MEP1A: variants seen among roughly 807,000 people sequenced by gnomAD.
MEP1A encodes meprin A subunit alpha.
MEP1A carries 68 observed loss-of-function variants against 84.5 expected under a neutral mutation model. The observed-to-expected ratio is 0.80, with a 90% confidence interval of 0.66 to 0.98. MEP1A has a LOEUF of 0.98. Ranked by LOEUF, MEP1A falls within the 50% of genes least tolerant of loss-of-function variation. The pLI, the probability that MEP1A is intolerant of heterozygous loss-of-function variation, is 0.00. For synonymous variants in MEP1A, 337 were observed against 336.8 expected, an observed-to-expected ratio of 1.00 and a Z score of -0.01; for missense variants, 887 against 919.9, an observed-to-expected ratio of 0.96 and a Z score of 0.46.
At chr6:46,818,107 A>T (rs2150749035) in intron 6 of MEP1A, among the ~76,000 whole-genome samples, 1 of 152,258 alleles carries the variant, frequency 6.6e-6, no homozygotes, top group African/African-American at 2.4e-5. Flanking sequence ...TGCAGAGTAA[A>T]CTCTGATTTG....
intron 5 of MEP1A, among the ~76,000 whole-genome samples, chr6:46,806,861 G>C (rs1767337707): frequency 6.6e-6 from 1 of 152,116 alleles, no homozygotes; most frequent in African/African-American, 2.4e-5. Flanking sequence ...GAAGAAATTA[G>C]AGCGTGCCCT....
chr6:46,810,176 G>A (rs528609707), intron 6 of MEP1A, among the ~76,000 whole-genome samples: 88 of 151,952 alleles, frequency 5.8e-4, no homozygotes, highest in African/African-American at 2.0e-3. Flanking sequence ...GAGTAAGGTC[G>A]TATCACATTA....
At chr6:46,797,585 T>A (rs1418746086) in intron 3 of MEP1A, among the ~76,000 whole-genome samples, 1 of 152,124 alleles carries the variant, frequency 6.6e-6, no homozygotes, top group East Asian at 1.9e-4. Context: ...CATCGTTTTT[T>A]CATGGGAAAG....
At chr6:46,816,174 G>C (rs1327424686) in intron 6 of MEP1A, among the ~76,000 whole-genome samples, 1 of 152,052 alleles carries the variant, frequency 6.6e-6, no homozygotes, top group East Asian at 1.9e-4. Context: ...CTGACCTCAG[G>C]TAATCGGCCC....
At chr6:46,832,322 G>C (rs141076368) in intron 10 of MEP1A, among the ~76,000 whole-genome samples, 1,844 of 152,266 alleles carry the variant, frequency 0.012, 44 homozygotes, top group African/African-American at 0.042. Context: ...CCAAGCTCCT[G>C]TCTGGCTTCT....
At chr6:46,818,562 G>A (rs923405413) in intron 6 of MEP1A, among the ~76,000 whole-genome samples, 3 of 152,106 alleles carry the variant, frequency 2.0e-5, no homozygotes, top group African/African-American at 7.2e-5. Context: ...AAAATAATTG[G>A]GGGGAGAATG....
intron 6 of MEP1A, 95 bp downstream of exon 6, chr6:46,809,632 T>C (rs1767444801): frequency 1.3e-6 from 1 of 760,988 alleles, no homozygotes; most frequent in Non-Finnish European, 2.2e-6. Flanking sequence ...GTATCATTCT[T>C]TTGTCTTTGC....
chr6:46,827,224 G>T (rs991475187), intron 9 of MEP1A, among the ~76,000 whole-genome samples: 7 of 152,180 alleles, frequency 4.6e-5, no homozygotes, highest in Non-Finnish European at 1.0e-4. Flanking sequence ...GTGACCACAG[G>T]AAGTTGTTGT....
chr6:46,828,776 T>C (rs1024338856), intron 9 of MEP1A, among the ~76,000 whole-genome samples: 1 of 152,206 alleles, frequency 6.6e-6, no homozygotes. Flanking sequence ...AATTCCTTCC[T>C]TTACATTCAG....
intron 3 of MEP1A, among the ~76,000 whole-genome samples, chr6:46,796,594 T>TC (rs1214731294): frequency 6.6e-6 from 1 of 152,236 alleles, no homozygotes; most frequent in Non-Finnish European, 1.5e-5. Flanking sequence ...CTCTACTGTA[T>TC]CCCAGCATCT....
At chr6:46,818,898 G>A (rs761350160) in intron 6 of MEP1A, among the ~76,000 whole-genome samples, 6 of 152,108 alleles carry the variant, frequency 3.9e-5, no homozygotes, top group Non-Finnish European at 5.9e-5. Context: ...GGTCAAGGAG[G>A]GCAAATCGTT....
At chr6:46,825,831 G>A (rs1767929784) in intron 8 of MEP1A, among the ~76,000 whole-genome samples, 1 of 152,134 alleles carries the variant, frequency 6.6e-6, no homozygotes, top group South Asian at 2.1e-4. Context: ...TTATTGTCTA[G>A]CTTCTTTTGC....
At chr6:46,797,924 TTCCTTCTTTCC>T (rs1562102801) in intron 3 of MEP1A, among the ~76,000 whole-genome samples, 753 of 53,554 alleles carry the variant, frequency 0.014, 3 homozygotes, top group East Asian at 0.053. Flanking sequence ...CCTTCCTTCC[TTCCTTCTTTCC>T]TTCCTTCCTT....
rs1767725823 is a variant in MEP1A at position 46,819,774 on chromosome 6, ATCTGTGT to A, written c.556+71_556+77del. 12 of 1,500,670 alleles carry A rather than the reference ATCTGTGT, an allele frequency of 8.0e-6. No homozygotes were observed. The East Asian group carries it at 2.7e-4, about 34-fold the overall frequency. The allele number at this position is 1,500,670 out of a possible 1,614,324, so 93.0% of individuals were successfully genotyped here. A position where few individuals can be genotyped will look rare whatever the true frequency, so the allele number is the denominator to read the frequency against. ...ACCAATCCTGAGATGACCAAGCCAA[ATCTGTGT>A]GGACAGGAGCTTCAGCCTCTCTAGT... On this transcript the variant is annotated intron_variant, in intron 7 of 13. Transcript: ENST00000230588.
At chr6:46,809,357 T>TAAGTTATAGATATTATCTAAGGTCC in intron 5 of MEP1A, 63 bp from the exon 6 acceptor site, 1 of 1,007,176 alleles carries the variant, frequency 9.9e-7, no homozygotes, top group East Asian at 2.6e-5. Flanking sequence ...CTCTAAACTA[T>TAAGTTATAGATATTATCTAAGGTCC]AAGTTATAGA....
chr6:46,835,483 C>T lies in MEP1A; in HGVS notation c.2018C>T (p.Pro673Leu). The T allele has an allele frequency of 2.5e-6, 4 of 1,606,484 alleles. No individual in the cohort carries two copies. Among genetic ancestry groups the T allele is most frequent in the South Asian group, 1.1e-5 (1 of 90,650 alleles). Reference protein sequence around the residue: ...DHNWPQYFRDPCDPNPCQNDG... With the variant: ...DHNWPQYFRDLCDPNPCQNDG... Reference sequence around the variant, plus strand: ...AACTGGCCACAGTACTTCAGAGACCCATGTGACCCAAACCCTTGCCAAAAT... The same window carrying T: ...AACTGGCCACAGTACTTCAGAGACCTATGTGACCCAAACCCTTGCCAAAAT... Residue 673 changes from proline to leucine, a missense_variant, in exon 13 of 14, where the codon CCA (proline) becomes CTA (leucine). Transcript: ENST00000230588.
At chr6:46,820,484 G>A (rs1287820135) in intron 7 of MEP1A, among the ~76,000 whole-genome samples, 1 of 152,172 alleles carries the variant, frequency 6.6e-6, no homozygotes, top group Admixed American at 6.5e-5. Context: ...TCTGCCTCCT[G>A]AGTTCAAGCG....
chr6:46,828,919 A>G (rs538421775), intron 9 of MEP1A, among the ~76,000 whole-genome samples: 46 of 151,040 alleles, frequency 3.0e-4, no homozygotes, highest in African/African-American at 1.1e-3. Context: ...CTTATTGTCA[A>G]TGTTTAAAAC....
At chr6:46,798,706 G>A in intron 4 of MEP1A, 60 bp downstream of exon 4, 1 of 1,442,652 alleles carries the variant, frequency 6.9e-7, no homozygotes, top group Non-Finnish European at 9.8e-7. Context: ...CTGGGTGTGA[G>A]TCTCTGCTCT....
Sources: allele counts gnomAD v4.1 joint callset (sites outside exome capture counted in the v4.1 genomes callset), GRCh38; gene constraint gnomAD v4.1.1; transcripts MANE v1.5; gene names NCBI Gene and HGNC (gene_info 2026-07-23, HGNC 2026-07-21).